ATL3: variants seen among roughly 807,000 people sequenced by gnomAD.
ATL3 encodes atlastin-3.
ATL3 carries 49 observed loss-of-function variants against 69.5 expected under a neutral mutation model. The observed-to-expected ratio is 0.71, with a 90% CI of 0.56 to 0.89. The LOEUF is 0.89. ATL3 is among the 40% of genes least tolerant of loss of function. ATL3 has a pLI of 0.00. For missense variants in ATL3, 606 were observed against 645.7 expected (o/e 0.94, Z 0.67); for synonymous variants, 214 against 224.1 (o/e 0.95, Z 0.40).
Position 63,643,391 on chromosome 11 carries a change from C to T in ATL3, c.816G>A (p.Val272=). 4.3e-6 allele frequency: 7 copies of T among 1,610,192 alleles called. No individual in the cohort carries two copies. The highest frequency in any genetic ancestry group is 5.9e-6 in the Non-Finnish European group (7 of 1,178,142). ...TCCCATCAAAGTCAGGGCTTGTGGC[C>T]ACCTGGAGTCCTGGATGTGGTAAGA... ...CFLLPHPGLQ[V]ATSPDFDGKL... Residue 272 remains valine, a synonymous_variant, in exon 8 of 13, where the codon GTG becomes GTA. Transcript: ENST00000398868.
At chr11:63,665,789 A>C (rs1200749944) in intron 1 of ATL3, among the ~76,000 whole-genome samples, 1 of 151,692 alleles carries the variant, frequency 6.6e-6, no homozygotes, top group African/African-American at 2.4e-5. Flanking sequence ...ACTTGGTATC[A>C]CTTGAACCTG....
chr11:63,653,446 G>C (rs1317525809), intron 3 of ATL3, among the ~76,000 whole-genome samples: 2 of 151,526 alleles, frequency 1.3e-5, no homozygotes, highest in African/African-American at 2.4e-5. Flanking sequence ...GCCTGGGTGA[G>C]AGAGCGAGAT....
chr11:63,644,192 C>T lies in ATL3; in HGVS notation c.688G>A (p.Ala230Thr), dbSNP rs534573423. ...ACCTGTAAACGCTTATCCAAAAATG[C>T]CATTCCTCCTTGGAGTCCATAGCTA... Reference protein sequence around the residue: ...EYSYGLQGGMAFLDKRLQVKE... With the variant: ...EYSYGLQGGMTFLDKRLQVKE... The change falls in exon 7 of 13, where the codon GCA becomes ACA. Residue 230 changes from alanine to threonine, a missense_variant. Physicochemically the swap from Ala to Thr is moderately conservative, Grantham distance 58. Transcript: ENST00000398868. The T allele has an allele frequency of 1.2e-6, 2 of 1,609,536 alleles. No homozygotes were observed. Among genetic ancestry groups the T allele is most frequent in the East Asian group, 2.2e-5 (1 of 44,738 alleles).
In ATL3 at chr11:63,631,027, C is replaced by T. The variant is rs753832259; in HGVS notation, c.1539+13G>A. On this transcript the variant is annotated intron_variant, in intron 12 of 12. Transcript: ENST00000398868. ...CATTATCAACCCTCAGGCTCTTCAG[C>T]AGCACCACTTACCTGCTCCAACACA... 37 of 1,558,712 alleles carry T rather than the reference C, an allele frequency of 2.4e-5. No homozygotes were observed. The highest frequency in any genetic ancestry group is 3.1e-5 in the Non-Finnish European group (36 of 1,150,426).
intron 6 of ATL3, among the ~76,000 whole-genome samples, chr11:63,645,422 A>G (rs1490460887): frequency 4.6e-5 from 7 of 152,084 alleles, no homozygotes; most frequent in Non-Finnish European, 8.8e-5. Context: ...TAAATTAGAA[A>G]AGAAAAGAAA....
At chr11:63,635,989 C>T (rs1939502696) in intron 9 of ATL3, among the ~76,000 whole-genome samples, 1 of 150,628 alleles carries the variant, frequency 6.6e-6, no homozygotes, top group African/African-American at 2.5e-5. Context: ...CAGCTAATTG[C>T]TCCTCTAAGA....
chr11:63,644,554 T>C (rs1014879074), intron 6 of ATL3, among the ~76,000 whole-genome samples: 6 of 152,146 alleles, frequency 3.9e-5, no homozygotes, highest in African/African-American at 1.2e-4. Flanking sequence ...TACTCCTGGC[T>C]TATTTTTTAA....
At chr11:63,668,293 CAGGCA>C (rs1372461262) in intron 1 of ATL3, among the ~76,000 whole-genome samples, 1 of 152,166 alleles carries the variant, frequency 6.6e-6, no homozygotes, top group African/African-American at 2.4e-5. Flanking sequence ...AACATCATCA[CAGGCA>C]AGAGTAAGTA....
At chr11:63,642,019 T>C (rs1027559416) in intron 8 of ATL3, among the ~76,000 whole-genome samples, 1 of 152,116 alleles carries the variant, frequency 6.6e-6, no homozygotes, top group African/African-American at 2.4e-5. Flanking sequence ...TGAGTTCAGG[T>C]TGGGAAAAGT....
intron 8 of ATL3, among the ~76,000 whole-genome samples, chr11:63,637,950 G>T (rs1289494359): frequency 6.6e-6 from 1 of 152,248 alleles, no homozygotes; most frequent in Non-Finnish European, 1.5e-5. Context: ...ATGGAAGAGA[G>T]ACTTTTCACT....
Position 63,624,779 on chromosome 11 carries a change from A to ATTC in ATL3, c.*4537_*4539dup, listed in dbSNP as rs1939049725. The stretch of plus-strand genomic sequence containing the variant: ...TTAGATAATCCTCTGAATTAAAGGC[A>ATTC]TTCTTACTACTTCTGAACACAGAAA... On this transcript the variant is annotated 3_prime_UTR_variant, in exon 13 of 13. Coordinates refer to ENST00000398868, the MANE Select transcript of ATL3 (RefSeq NM_015459.5). 6.6e-6 allele frequency: 1 copy of ATTC among 152,232 alleles called. No homozygotes were observed. Among genetic ancestry groups the ATTC allele is most frequent in the Non-Finnish European group, 1.5e-5 (1 of 68,040 alleles). The allele number at this position is 152,232 out of a possible 1,614,324, so 9.4% of individuals were successfully genotyped here.
At chr11:63,669,176 T>C (rs1940691306) in intron 1 of ATL3, among the ~76,000 whole-genome samples, 1 of 152,046 alleles carries the variant, frequency 6.6e-6, no homozygotes, top group East Asian at 1.9e-4. Flanking sequence ...CAGGAAAGCC[T>C]GTCTTCTAAT....
intron 3 of ATL3, among the ~76,000 whole-genome samples, chr11:63,653,026 C>T (rs902458137): frequency 3.3e-5 from 5 of 152,014 alleles, no homozygotes; most frequent in African/African-American, 1.2e-4. Flanking sequence ...CCAGTCTCTA[C>T]ATAAAATTTA....
intron 6 of ATL3, 106 bp from the exon 7 acceptor site, chr11:63,644,367 A>AGATAC (rs1268382055): frequency 3.4e-6 from 2 of 596,604 alleles, no homozygotes; most frequent in African/African-American, 2.5e-5. Context: ...AAGGGGGTAA[A>AGATAC]GTAGAAGGAT....
intron 5 of ATL3, among the ~76,000 whole-genome samples, chr11:63,648,696 C>T (rs1368555966): frequency 6.6e-6 from 1 of 152,146 alleles, no homozygotes; most frequent in Non-Finnish European, 1.5e-5. Context: ...GTAATCCCAG[C>T]TTCTCAGGAG....
At chr11:63,657,208 CAAAA>C (rs1254213240) in intron 3 of ATL3, among the ~76,000 whole-genome samples, 48 of 59,912 alleles carry the variant, frequency 8.0e-4, no homozygotes, top group African/African-American at 2.6e-3. Flanking sequence ...GACTACATCT[CAAAA>C]AAAAAAAAAA....
intron 8 of ATL3, among the ~76,000 whole-genome samples, chr11:63,640,152 TC>T (rs1402561551): frequency 6.6e-6 from 1 of 152,206 alleles, no homozygotes; most frequent in Non-Finnish European, 1.5e-5. Context: ...GGTCTGGAAC[TC>T]CCGACCTCAG....
intron 8 of ATL3, among the ~76,000 whole-genome samples, chr11:63,641,709 C>A (rs1939706847): frequency 6.6e-6 from 1 of 152,140 alleles, no homozygotes; most frequent in Non-Finnish European, 1.5e-5. Flanking sequence ...TTGTCTTAAG[C>A]CACCTAGTTT....
At chr11:63,667,206 G>A (rs892359631) in intron 1 of ATL3, among the ~76,000 whole-genome samples, 1 of 152,156 alleles carries the variant, frequency 6.6e-6, no homozygotes, top group African/African-American at 2.4e-5. Flanking sequence ...TCCACTGGGG[G>A]CCTTACAATA....
Sources: allele counts gnomAD v4.1 joint callset (sites outside exome capture counted in the v4.1 genomes callset), GRCh38; gene constraint gnomAD v4.1.1; transcripts MANE v1.5; gene names NCBI Gene and HGNC (gene_info 2026-07-23, HGNC 2026-07-21).